KDM7A: variants seen among roughly 807,000 people sequenced by gnomAD.
The protein encoded by KDM7A is lysine demethylase 7A.
KDM7A carries 28 observed loss-of-function variants against 114.8 expected under a neutral mutation model. The ratio of observed to expected loss-of-function variants is 0.24; its 90% CI spans 0.18 to 0.33. The LOEUF (loss-of-function observed/expected upper bound fraction) is 0.33, where lower values mean the gene tolerates loss of function less well. Ranked by LOEUF, KDM7A falls within the 10% of genes least tolerant of loss-of-function variation. KDM7A has a pLI of 1.00. For synonymous variants in KDM7A, 423 were observed against 397.8 expected, an observed-to-expected ratio of 1.06 and a Z score of -0.75; for missense variants, 942 against 1,142.5, an observed-to-expected ratio of 0.82 and a Z score of 2.53.
intron 1 of KDM7A, among the ~76,000 whole-genome samples, chr7:140,151,832 C>T (rs1349253353): frequency 6.6e-6 from 1 of 152,176 alleles, no homozygotes; most frequent in African/African-American, 2.4e-5. Flanking sequence ...ACTCTCCAAT[C>T]CAGCAGACAG....
chr7:140,097,765 C>CG, intron 14 of KDM7A, 123 bp from the exon 15 acceptor site: 1 of 569,550 alleles, frequency 1.8e-6, no homozygotes, highest in Non-Finnish European at 3.2e-6. Context: ...GCTCTACCCT[C>CG]CTTTTTCACT....
At chr7:140,175,367 G>C (rs1228034528) in intron 1 of KDM7A, among the ~76,000 whole-genome samples, 1 of 152,076 alleles carries the variant, frequency 6.6e-6, no homozygotes, top group Admixed American at 6.5e-5. Context: ...TAAAATTGGG[G>C]AGGGGGGGAG....
chr7:140,136,767 A>G (rs1458759394), intron 2 of KDM7A, among the ~76,000 whole-genome samples: 2 of 152,162 alleles, frequency 1.3e-5, no homozygotes, highest in African/African-American at 4.8e-5. Context: ...TAATCTCAGC[A>G]CTTTGAGAGG....
At chr7:140,170,557 T>C (rs1454412382) in intron 1 of KDM7A, among the ~76,000 whole-genome samples, 2 of 152,254 alleles carry the variant, frequency 1.3e-5, no homozygotes, top group East Asian at 1.9e-4. Flanking sequence ...GGAAAGTTAC[T>C]GAACTCCCTA....
At chr7:140,096,514 CAT>C (rs1350019632) in intron 17 of KDM7A, 39 bp downstream of exon 17, 3 of 1,467,142 alleles carry the variant, frequency 2.0e-6, no homozygotes, top group Admixed American at 1.7e-5. Flanking sequence ...AGTTGGGCAA[CAT>C]ATGTTACTTT....
At chr7:140,096,847 C>A in intron 16 of KDM7A, 52 bp downstream of exon 16, 1 of 1,588,376 alleles carries the variant, frequency 6.3e-7, no homozygotes, top group South Asian at 1.1e-5. Context: ...AAAAAGTGTT[C>A]ATAGTATTTA....
chr7:140,135,049 AAAAC>A (rs202076393), intron 2 of KDM7A, among the ~76,000 whole-genome samples: 45 of 141,754 alleles, frequency 3.2e-4, no homozygotes, highest in Admixed American at 4.2e-4. Context: ...AAAAAAAAAA[AAAAC>A]AAACTCACAA....
intron 17 of KDM7A, among the ~76,000 whole-genome samples, chr7:140,096,250 C>T (rs1818106894): frequency 1.3e-5 from 2 of 151,902 alleles, no homozygotes; most frequent in Non-Finnish European, 1.5e-5. Flanking sequence ...ATTTAAGGCA[C>T]CAAAACACTC....
chr7:140,176,615 C>G lies in KDM7A; in HGVS notation c.194+129G>C, dbSNP rs1794712603. The G allele has an allele frequency of 4.6e-6, 3 of 646,860 alleles. No homozygotes were observed. In the South Asian group the frequency reaches 1.9e-4, roughly 41 times the overall value. 40.1% of individuals were successfully genotyped at this position (646,860 alleles called of 1,614,324 possible). A position where few individuals can be genotyped will look rare whatever the true frequency, so the allele number is the denominator to read the frequency against. ...CCCACTGCCCGGCCGGGGGGCTAGGCACCGGGGCCCCCTGAAAGCTGGGCG... is the reference window on the plus strand; with the variant it reads ...CCCACTGCCCGGCCGGGGGGCTAGGGACCGGGGCCCCCTGAAAGCTGGGCG... On this transcript the variant is annotated intron_variant, in intron 1 of 19. Coordinates refer to ENST00000397560, the MANE Select transcript of KDM7A (RefSeq NM_030647.2). This position sits in a 1 kb window ranked among gnomAD's most constrained non-coding sequence, Gnocchi z 4.4.
intron 1 of KDM7A, among the ~76,000 whole-genome samples, chr7:140,172,406 C>G (rs1038463470): frequency 6.6e-6 from 1 of 152,162 alleles, no homozygotes; most frequent in Non-Finnish European, 1.5e-5. Context: ...GTAATCCCAG[C>G]ACTTTGGGAG....
chr7:140,114,818 C>T (rs1379176318), intron 9 of KDM7A, among the ~76,000 whole-genome samples: 59 of 150,412 alleles, frequency 3.9e-4, no homozygotes, highest in Non-Finnish European at 6.2e-4. Flanking sequence ...TGCCCGGCCG[C>T]GACCCCGTCT....
At chr7:140,161,208 T>G (rs1223324827) in intron 1 of KDM7A, among the ~76,000 whole-genome samples, 1 of 152,248 alleles carries the variant, frequency 6.6e-6, no homozygotes, top group Non-Finnish European at 1.5e-5. Flanking sequence ...TTGTAGCATA[T>G]GTGACAAGTG....
intron 1 of KDM7A, among the ~76,000 whole-genome samples, chr7:140,160,473 C>T (rs1390679445): frequency 6.6e-6 from 1 of 152,222 alleles, no homozygotes. Context: ...AAACAAAACA[C>T]TCTGCAGACC....
chr7:140,135,989 T>G (rs1303531038), intron 2 of KDM7A, among the ~76,000 whole-genome samples: 2 of 152,014 alleles, frequency 1.3e-5, no homozygotes, highest in Non-Finnish European at 2.9e-5. Flanking sequence ...AGACATGGTC[T>G]CCCTCTGTCA....
chr7:140,097,755 G>T, intron 14 of KDM7A, 113 bp from the exon 15 acceptor site: 1 of 597,544 alleles, frequency 1.7e-6, no homozygotes, highest in Non-Finnish European at 3.0e-6. Context: ...AATCTCTCTT[G>T]CTCTACCCTC....
At position 140,127,493 on chromosome 7, in the gene KDM7A, G is replaced by T. The variant is rs6949738; in HGVS notation, c.650C>A (p.Pro217His). 2 of 1,613,584 alleles carry T rather than the reference G, an allele frequency of 1.2e-6. No homozygotes were observed. The highest frequency in any genetic ancestry group is 1.7e-6 in the Non-Finnish European group (2 of 1,179,570). ...CACATTTAACACTTTTGGTCTGTTAGGATTCATGAAGTATTTAACATAATT... is the reference window on the plus strand; with the variant it reads ...CACATTTAACACTTTTGGTCTGTTATGATTCATGAAGTATTTAACATAATT... ...LHNYVKYFMN[P>H]NRPKVLNVIS... The change falls in exon 5 of 20, where the codon CCT (proline) becomes CAT (histidine). Residue 217 changes from proline to histidine, a missense_variant. Pro to His is a moderately conservative substitution (Grantham distance 77). This residue lies in a region of KDM7A where 318 missense variants were observed against 453.1 expected (regional missense o/e 0.70). Transcript: ENST00000397560.
chr7:140,133,197 G>A (rs566902671), intron 3 of KDM7A, among the ~76,000 whole-genome samples: 4 of 152,270 alleles, frequency 2.6e-5, no homozygotes, highest in African/African-American at 9.6e-5. Context: ...AAAACAGGTA[G>A]CAGCTGCATA....
chr7:140,175,696 G>T (rs1254411412), intron 1 of KDM7A, among the ~76,000 whole-genome samples: 1 of 152,178 alleles, frequency 6.6e-6, no homozygotes, highest in African/African-American at 2.4e-5. Flanking sequence ...CCTGGCTGCG[G>T]AGGCGGCCCG....
chr7:140,153,990 G>T (rs571197284), intron 1 of KDM7A, among the ~76,000 whole-genome samples: 3 of 152,270 alleles, frequency 2.0e-5, no homozygotes, highest in Non-Finnish European at 4.4e-5. Flanking sequence ...GAACAGACGC[G>T]TGCCTGTTAT....
Sources: allele counts gnomAD v4.1 joint callset (sites outside exome capture counted in the v4.1 genomes callset), GRCh38; gene constraint gnomAD v4.1.1; regional missense constraint gnomAD v4.1.1; non-coding constraint Gnocchi (gnomAD v3.1); transcripts MANE v1.5; gene names NCBI Gene and HGNC (gene_info 2026-07-23, HGNC 2026-07-21).